ALG14: variants seen among roughly 807,000 people sequenced by gnomAD.
ALG14 encodes UDP-N-acetylglucosamine transferase subunit ALG14.
A neutral mutation model predicts 22.8 loss-of-function variants in ALG14; 17 were observed. The observed-to-expected ratio is 0.75, with a 90% CI of 0.51 to 1.12. The LOEUF is 1.12. Ranked by LOEUF, ALG14 falls within the 50% of genes most tolerant of loss-of-function variation. The pLI, the probability that ALG14 is intolerant of heterozygous loss-of-function variation, is 0.00. For missense variants in ALG14, 288 were observed against 271.8 expected (o/e 1.06, Z -0.42); for synonymous variants, 89 against 103.7 (o/e 0.86, Z 0.86).
At chr1:95,018,561 A>C (rs1000496312) in intron 3 of ALG14, among the ~76,000 whole-genome samples, 3 of 152,054 alleles carry the variant, frequency 2.0e-5, no homozygotes, top group Non-Finnish European at 2.9e-5. Context: ...AGACAAAAGA[A>C]AAAAGAAAAA....
intron 2 of ALG14, among the ~76,000 whole-genome samples, chr1:95,058,616 TAAA>T (rs61435505): frequency 1.0e-5 from 1 of 99,308 alleles, no homozygotes; most frequent in Non-Finnish European, 2.0e-5. Flanking sequence ...GATTCATTCT[TAAA>T]AAAAAAAAAA....
intron 2 of ALG14, among the ~76,000 whole-genome samples, chr1:95,053,996 T>C (rs1207460337): frequency 6.6e-6 from 1 of 152,202 alleles, no homozygotes; most frequent in Non-Finnish European, 1.5e-5. Context: ...AAAGTCCAGC[T>C]ACATGTTACT....
At chr1:95,000,177 G>A (rs771683301) in intron 3 of ALG14, among the ~76,000 whole-genome samples, 33 of 152,046 alleles carry the variant, frequency 2.2e-4, no homozygotes, top group Non-Finnish European at 3.7e-4. Context: ...TATTTTCTAC[G>A]GTAATAGAGA....
At chr1:95,045,657 CAG>C (rs1264139995) in intron 2 of ALG14, among the ~76,000 whole-genome samples, 1 of 149,938 alleles carries the variant, frequency 6.7e-6, no homozygotes, top group African/African-American at 2.5e-5. Context: ...AGTATACTAA[CAG>C]AATGGTATAC....
intron 3 of ALG14, 151 bp downstream of exon 3, chr1:95,026,978 G>T: frequency 1.1e-6 from 1 of 945,510 alleles, no homozygotes. Context: ...AGCCTGGGAA[G>T]TCCAAGATCA....
intron 3 of ALG14, among the ~76,000 whole-genome samples, chr1:94,993,512 C>T (rs1431785200): frequency 6.6e-6 from 1 of 150,740 alleles, no homozygotes; most frequent in Admixed American, 6.6e-5. Context: ...AGCCTGATTA[C>T]CAAGGGCAGT....
chr1:95,051,435 C>CAA (rs1674746280), intron 2 of ALG14, among the ~76,000 whole-genome samples: 1 of 152,182 alleles, frequency 6.6e-6, no homozygotes, highest in Non-Finnish European at 1.5e-5. Flanking sequence ...TGGAGCACTG[C>CAA]AATAGCCTCT....
chr1:94,991,412 C>A (rs1672768444), intron 3 of ALG14, among the ~76,000 whole-genome samples: 1 of 152,244 alleles, frequency 6.6e-6, no homozygotes, highest in African/African-American at 2.4e-5. Flanking sequence ...CACAAACCTG[C>A]ACAGCATGCT....
chr1:95,068,342 C>T (rs183106119), intron 1 of ALG14, among the ~76,000 whole-genome samples: 1 of 152,036 alleles, frequency 6.6e-6, no homozygotes, highest in Admixed American at 6.6e-5. Context: ...GCTCTGTTGC[C>T]CAGGCGTGAT....
intron 2 of ALG14, among the ~76,000 whole-genome samples, chr1:95,038,792 C>T (rs1674286027): frequency 6.7e-6 from 1 of 148,386 alleles, no homozygotes; most frequent in African/African-American, 2.5e-5. Flanking sequence ...GATCATGACT[C>T]ACTGCATCCT....
intron 3 of ALG14, among the ~76,000 whole-genome samples, chr1:95,022,922 G>T (rs1400379341): frequency 6.6e-6 from 1 of 152,066 alleles, no homozygotes; most frequent in South Asian, 2.1e-4. Flanking sequence ...TTCCTGTAAG[G>T]GTTCTGGCAT....
At chr1:94,995,835 A>G (rs1672895912) in intron 3 of ALG14, among the ~76,000 whole-genome samples, 1 of 152,212 alleles carries the variant, frequency 6.6e-6, no homozygotes, top group African/African-American at 2.4e-5. Flanking sequence ...TGTTTCCTTT[A>G]ATTGTCCATC....
chr1:95,044,060 G>A (rs1476104222), intron 2 of ALG14, among the ~76,000 whole-genome samples: 3 of 152,146 alleles, frequency 2.0e-5, no homozygotes, highest in Non-Finnish European at 2.9e-5. Context: ...GGTTGGTGAT[G>A]GCAATCCCAT....
chr1:95,000,296 G>C (rs978146751), intron 3 of ALG14, among the ~76,000 whole-genome samples: 4 of 151,994 alleles, frequency 2.6e-5, no homozygotes, highest in Non-Finnish European at 5.9e-5. Context: ...AGCACTTTGG[G>C]AGGGCAAGGT....
At chr1:95,013,574 C>T (rs185750386) in intron 3 of ALG14, among the ~76,000 whole-genome samples, 1 of 152,268 alleles carries the variant, frequency 6.6e-6, no homozygotes, top group East Asian at 1.9e-4. Flanking sequence ...CCTCCTCAGC[C>T]TCCCAAAGTG....
chr1:94,991,218 T>G (rs923292848), intron 3 of ALG14, among the ~76,000 whole-genome samples: 4 of 152,260 alleles, frequency 2.6e-5, no homozygotes, highest in Non-Finnish European at 5.9e-5. Flanking sequence ...CTTGTAAGGT[T>G]TACATTCCAG....
chr1:95,064,859 C>A lies in ALG14; in HGVS notation c.288+7G>T. 1 of 1,602,486 alleles carries A rather than the reference C, an allele frequency of 6.2e-7. No homozygotes were observed. Among genetic ancestry groups the A allele is most frequent in the South Asian group, 1.1e-5 (1 of 89,824 alleles). On this transcript the variant is annotated splice_region_variant and intron_variant, in intron 2 of 3. Transcript: ENST00000370205. ...TAATTTTCTTAGAAATAGAAATTGTCACTTACCATGTTACTAGGGTCTCTA... is the reference window on the plus strand; with the variant it reads ...TAATTTTCTTAGAAATAGAAATTGTAACTTACCATGTTACTAGGGTCTCTA...
intron 2 of ALG14, among the ~76,000 whole-genome samples, chr1:95,064,330 G>A (rs1039491751): frequency 1.3e-5 from 2 of 152,174 alleles, no homozygotes; most frequent in African/African-American, 4.8e-5. Flanking sequence ...GAATAGGAGT[G>A]GTGAGAGAGG....
rs1421604886 is a variant in ALG14 at position 94,982,431 on chromosome 1, A to G, written c.*645T>C. 5 of 152,150 alleles carry G rather than the reference A, an allele frequency of 3.3e-5. No homozygotes were observed. Among genetic ancestry groups the G allele is most frequent in the Non-Finnish European group, 4.4e-5 (3 of 68,134 alleles). 9.4% of individuals were successfully genotyped at this position (152,150 alleles called of 1,614,324 possible). A position where few individuals can be genotyped will look rare whatever the true frequency, so the allele number is the denominator to read the frequency against. Reference sequence around the variant, plus strand: ...GTGAGCCGTCATGCCGGCCTAAACAAGAGATTTTAAAAGATACTCTGTATT... The same window carrying G: ...GTGAGCCGTCATGCCGGCCTAAACAGGAGATTTTAAAAGATACTCTGTATT... On this transcript the variant is annotated 3_prime_UTR_variant, in exon 4 of 4. Coordinates refer to ENST00000370205, the MANE Select transcript of ALG14 (RefSeq NM_144988.4).
Sources: gnomAD v4.1 joint callset for allele counts (sites outside exome capture counted in the v4.1 genomes callset) on GRCh38, gnomAD v4.1.1 for gene constraint, MANE v1.5 for transcripts, NCBI Gene and HGNC (gene_info 2026-07-23, HGNC 2026-07-21) for gene names.